MUC20: variants seen among roughly 807,000 people sequenced by gnomAD.
The protein encoded by MUC20 is mucin-20.
In MUC20, 14 loss-of-function variants were observed where a neutral mutation model predicts 23.8. That is an observed-to-expected ratio of 0.59 (90% CI 0.39 to 0.92). The LOEUF is 0.92. MUC20 is among the 40% of genes least tolerant of loss of function. The pLI, the probability that MUC20 is intolerant of heterozygous loss-of-function variation, is 0.00. For synonymous variants in MUC20, 166 were observed against 279.3 expected (o/e 0.59, Z 4.04); for missense variants, 375 against 668.8 (o/e 0.56, Z 4.85).
At chr3:195,723,044 G>A (rs1272448265) in intron 1 of MUC20, among the ~76,000 whole-genome samples, 7 of 147,824 alleles carry the variant, frequency 4.7e-5, no homozygotes, top group Non-Finnish European at 1.5e-5. Flanking sequence ...CATCACGTTG[G>A]CAAGGCAGGT....
Position 195,733,292 on chromosome 3 carries a change from C to A in MUC20, c.*74C>A. 2 of 1,551,072 alleles carry A rather than the reference C, an allele frequency of 1.3e-6. No homozygotes were observed. The highest frequency in any genetic ancestry group is 1.7e-6 in the Non-Finnish European group (2 of 1,146,692). Reference sequence around the variant, plus strand: ...TGCCCCTAGCCTGGGCCCCCACCGACAGACTGCAGCTGCGTTACTGTGCTG... The same window carrying A: ...TGCCCCTAGCCTGGGCCCCCACCGAAAGACTGCAGCTGCGTTACTGTGCTG... On this transcript the variant is annotated 3_prime_UTR_variant, in exon 4 of 4. Coordinates refer to ENST00000447234, the MANE Select transcript of MUC20 (RefSeq NM_001282506.2).
chr3:195,731,773 G>A (rs1296531122), intron 3 of MUC20, among the ~76,000 whole-genome samples: 3 of 152,288 alleles, frequency 2.0e-5, no homozygotes, highest in South Asian at 4.1e-4. Flanking sequence ...ACAGCCAGGT[G>A]CCAGGGGACG....
Position 195,726,576 on chromosome 3 carries a change from A to G in MUC20, c.1969+4A>G, listed in dbSNP as rs1712707655. 1.2e-6 allele frequency: 2 copies of G among 1,604,910 alleles called. No individual in the cohort carries two copies. Among genetic ancestry groups the G allele is most frequent in the Non-Finnish European group, 8.5e-7 (1 of 1,173,670 alleles). On this transcript the variant is annotated splice_donor_region_variant and intron_variant, in intron 2 of 3. Coordinates refer to ENST00000447234, the MANE Select transcript of MUC20 (RefSeq NM_001282506.2). ...CCGACCACAGACGTGAGTGCAGGTAAGTGGCTCCTGCTGGTGATCTTCGGG... is the reference window on the plus strand; with the variant it reads ...CCGACCACAGACGTGAGTGCAGGTAGGTGGCTCCTGCTGGTGATCTTCGGG...
At position 195,726,359 on chromosome 3, in the gene MUC20, C is replaced by A. The variant is rs1473897713; in HGVS notation, c.1756C>A (p.Pro586Thr). Residue 586 changes from proline (P) to threonine (T), a missense_variant, in exon 2 of 4, where the codon CCT becomes ACT. Pro to Thr is a conservative substitution (Grantham distance 38, BLOSUM62 -1). Coordinates refer to ENST00000447234, the MANE Select transcript of MUC20 (RefSeq NM_001282506.2). ...GGAAGCCGCCCTCAAGAACTTCACC[C>A]CTTCAGAGACACCGACCATGGACAT... ...PSEAALKNFT[P>T]SETPTMDIAT... 1 of 1,614,026 alleles carries A rather than the reference C, an allele frequency of 6.2e-7. No homozygotes were observed. The highest frequency in any genetic ancestry group is 8.5e-7 in the Non-Finnish European group (1 of 1,179,876).
intron 1 of MUC20, among the ~76,000 whole-genome samples, chr3:195,721,388 G>A (rs1712083032): frequency 6.6e-6 from 1 of 151,956 alleles, no homozygotes; most frequent in Non-Finnish European, 1.5e-5. Context: ...GGATGGCTGA[G>A]AGTTTGTCTT....
At chr3:195,727,073 C>T (rs1357915038) in intron 2 of MUC20, among the ~76,000 whole-genome samples, 2 of 152,288 alleles carry the variant, frequency 1.3e-5, no homozygotes, top group Admixed American at 1.3e-4. Flanking sequence ...GGATGCATTT[C>T]CTGGGATTTA....
chr3:195,725,947 A>C lies in MUC20; in HGVS notation c.1344A>C (p.Glu448Asp), dbSNP rs1343290387. 3.1e-6 allele frequency: 5 copies of C among 1,613,862 alleles called. No homozygotes were observed. Among genetic ancestry groups the C allele is most frequent in the Non-Finnish European group, 4.2e-6 (5 of 1,179,830 alleles). ...GASDTDLIPT[E>D]GVKASSTSDP... Reference sequence around the variant, plus strand: ...CAGACACAGATCTCATCCCCACGGAAGGGGTGAAGGCCTCGTCCACCTCCG... The same window carrying C: ...CAGACACAGATCTCATCCCCACGGACGGGGTGAAGGCCTCGTCCACCTCCG... The change falls in exon 2 of 4, where the codon GAA becomes GAC. Residue 448 changes from glutamate to aspartate, a missense_variant. Transcript: ENST00000447234.
At chr3:195,729,603 A>T in intron 2 of MUC20, 45 bp from the exon 3 acceptor site, 1 of 1,532,046 alleles carries the variant, frequency 6.5e-7, no homozygotes, top group Non-Finnish European at 8.9e-7. Context: ...GGTGTGAGCC[A>T]CTGCGCCCAG....
intron 1 of MUC20, among the ~76,000 whole-genome samples, chr3:195,723,089 G>T (rs1262811767): frequency 6.6e-6 from 1 of 151,594 alleles, no homozygotes; most frequent in African/African-American, 2.4e-5. Context: ...AGGACATGGA[G>T]GCTGGGAGGG....
chr3:195,729,419 C>G, intron 2 of MUC20: 1 of 508,106 alleles, frequency 2.0e-6, no homozygotes, highest in Non-Finnish European at 3.5e-6. Flanking sequence ...CAGGTTCAGG[C>G]GATTCTCCTG....
chr3:195,727,655 T>C (rs1298067324), intron 2 of MUC20, among the ~76,000 whole-genome samples: 1 of 152,288 alleles, frequency 6.6e-6, no homozygotes, highest in Non-Finnish European at 1.5e-5. Context: ...TTGAATATCT[T>C]TCATGTTATA....
At chr3:195,730,760 AAGAAAATAGGGAGGCTAGGC>A (rs1300858371) in intron 3 of MUC20, among the ~76,000 whole-genome samples, 9 of 152,248 alleles carry the variant, frequency 5.9e-5, no homozygotes, top group African/African-American at 2.2e-4. Context: ...GATGAGCCCC[AAGAAAATAGGGAGGCTAGGC>A]AGAAAAAACC....
In MUC20 at chr3:195,726,101, C is replaced by G; in HGVS notation, c.1498C>G (p.Leu500Val). The change falls in exon 2 of 4, where the codon CTC becomes GTC. Residue 500 changes from leucine to valine, a missense_variant. Leu to Val is a conservative substitution (Grantham distance 32, BLOSUM62 1). This residue lies in a region of MUC20 where 343 missense variants were observed against 340.2 expected (regional missense o/e 1.01). Coordinates refer to ENST00000447234, the MANE Select transcript of MUC20 (RefSeq NM_001282506.2). ...AAPDATVGTP[L>V]PTNSATEREV... The stretch of plus-strand genomic sequence containing the variant: ...ACCTGATGCCACGGTTGGGACCCCA[C>G]TCCCCACTAACAGCGCCACAGAAAG... The G allele has an allele frequency of 1.2e-6, 2 of 1,610,486 alleles. No homozygotes were observed. The highest frequency in any genetic ancestry group is 1.7e-6 in the Non-Finnish European group (2 of 1,177,020).
In MUC20 at chr3:195,725,799, C is replaced by T; in HGVS notation, c.1196C>T (p.Ser399Leu). The change falls in exon 2 of 4, where the codon TCA becomes TTA. Residue 399 changes from serine to leucine, a missense_variant. Transcript: ENST00000447234. ...GGCCCCCATCCAGTCATCACCCCCT[C>T]ATGGTCCCCGGGATCTGACGTCACT... is the stretch of plus-strand genomic sequence containing the variant. ...SDGPHPVITP[S>L]WSPGSDVTLL... The T allele has an allele frequency of 6.4e-7, 1 of 1,565,500 alleles. No homozygotes were observed.
Sources: gnomAD v4.1 joint callset for allele counts (sites outside exome capture counted in the v4.1 genomes callset) on GRCh38, gnomAD v4.1.1 for gene constraint, gnomAD v4.1.1 regional missense constraint, MANE v1.5 for transcripts, NCBI Gene and HGNC (gene_info 2026-07-23, HGNC 2026-07-21) for gene names.